LOC400499: variants seen among roughly 807,000 people sequenced by gnomAD.
chr16:11,521,087 C>T, the LOC400499 span, among the ~76,000 whole-genome samples: 2 of 152,180 alleles, frequency 1.3e-5, no homozygotes, highest in Non-Finnish European at 2.9e-5. Flanking sequence ...ATTAATAAAG[C>T]AGCATCTCTG....
the LOC400499 span, among the ~76,000 whole-genome samples, chr16:11,433,138 G>C: frequency 6.6e-6 from 1 of 152,198 alleles, no homozygotes; most frequent in African/African-American, 2.4e-5. Context: ...GGGTTGAGTA[G>C]TTGCAACAGA....
chr16:11,448,222 GC>G, the LOC400499 span: 2 of 974,050 alleles, frequency 2.1e-6, no homozygotes, highest in Non-Finnish European at 2.9e-6. Flanking sequence ...CTGAGCCACA[GC>G]CTCCACCCTG....
chr16:11,388,918 C>G, the LOC400499 span, among the ~76,000 whole-genome samples: 1 of 152,008 alleles, frequency 6.6e-6, no homozygotes, highest in Non-Finnish European at 1.5e-5. Flanking sequence ...GAAACCCCGT[C>G]TCTACTAAAA....
chr16:11,509,819 G>C, the LOC400499 span, among the ~76,000 whole-genome samples: 2,288 of 152,168 alleles, frequency 0.015, 32 homozygotes, highest in Non-Finnish European at 0.023. Context: ...TGACAAGAGT[G>C]AGACTCTGTC....
At chr16:11,426,272 C>T in the LOC400499 span, among the ~76,000 whole-genome samples, 2 of 152,048 alleles carry the variant, frequency 1.3e-5, no homozygotes, top group African/African-American at 2.4e-5. Context: ...CCTGTCTCTA[C>T]TAAGAATATA....
At chr16:11,384,784 G>C in the LOC400499 span, 2 of 1,034,076 alleles carry the variant, frequency 1.9e-6, no homozygotes, top group Non-Finnish European at 2.5e-6. Flanking sequence ...GGCCGGCAGA[G>C]GCTCTGCATG....
the LOC400499 span, among the ~76,000 whole-genome samples, chr16:11,512,461 G>A: frequency 6.6e-6 from 1 of 152,024 alleles, no homozygotes; most frequent in South Asian, 2.1e-4. Context: ...AAATCAGCCA[G>A]GCATGGTGGT....
the LOC400499 span, among the ~76,000 whole-genome samples, chr16:11,394,734 C>T: frequency 4.6e-5 from 7 of 152,156 alleles, no homozygotes; most frequent in Non-Finnish European, 7.4e-5. Flanking sequence ...AAGGCCACCA[C>T]GTGGGACAGA....
chr16:11,455,752 A>AG, the LOC400499 span, among the ~76,000 whole-genome samples: 5 of 151,386 alleles, frequency 3.3e-5, no homozygotes, highest in Non-Finnish European at 5.9e-5. Context: ...AAAAAAAAAA[A>AG]AAAAGAAAAA....
the LOC400499 span, among the ~76,000 whole-genome samples, chr16:11,422,307 C>A: frequency 6.6e-6 from 1 of 152,078 alleles, no homozygotes; most frequent in Non-Finnish European, 1.5e-5. Context: ...TGGGCTGAGG[C>A]AGGAGACACT....
chr16:11,399,972 G>T, the LOC400499 span, among the ~76,000 whole-genome samples: 2 of 151,900 alleles, frequency 1.3e-5, no homozygotes, highest in African/African-American at 4.8e-5. Context: ...GAGGAACTAG[G>T]ATGGAGGGTG....
At chr16:11,518,911 C>T in the LOC400499 span, 1,293 of 399,020 alleles carry the variant, frequency 3.2e-3, 4 homozygotes, top group Middle Eastern at 0.016. Flanking sequence ...TCAGGCTCTC[C>T]GACTCCTTCA....
At chr16:11,468,964 C>A in the LOC400499 span, among the ~76,000 whole-genome samples, 1 of 152,228 alleles carries the variant, frequency 6.6e-6, no homozygotes, top group African/African-American at 2.4e-5. Context: ...TATTAATATC[C>A]ATTTTTAACA....
the LOC400499 span, chr16:11,448,068 C>T: frequency 6.5e-7 from 1 of 1,534,614 alleles, no homozygotes; most frequent in East Asian, 2.4e-5. Context: ...CCTGGGTCTT[C>T]CGGGGCTGCA....
the LOC400499 span, among the ~76,000 whole-genome samples, chr16:11,510,148 C>T: frequency 2.6e-5 from 4 of 151,658 alleles, no homozygotes; most frequent in African/African-American, 9.7e-5. Context: ...CTTGGACCCC[C>T]ACATCTCAGC....
the LOC400499 span, chr16:11,399,497 C>T: frequency 1.5e-5 from 6 of 398,816 alleles, no homozygotes; most frequent in South Asian, 2.5e-4. Context: ...CTGCCGCATG[C>T]GGTGCTGGCC....
At chr16:11,442,672 G>T in the LOC400499 span, among the ~76,000 whole-genome samples, 1 of 152,168 alleles carries the variant, frequency 6.6e-6, no homozygotes, top group African/African-American at 2.4e-5. Flanking sequence ...CTGGAAATCT[G>T]GGTTTTACTC....
the LOC400499 span, among the ~76,000 whole-genome samples, chr16:11,518,602 G>C: frequency 6.6e-6 from 1 of 152,106 alleles, no homozygotes; most frequent in Non-Finnish European, 1.5e-5. Flanking sequence ...TACGGGATGA[G>C]TTCCTCCCAC....
At chr16:11,522,051 G>A in the LOC400499 span, 1 of 399,144 alleles carries the variant, frequency 2.5e-6, no homozygotes, top group Non-Finnish European at 4.4e-6. Context: ...GGCTGGTGCT[G>A]GTGTTGGTGG....
Sources: allele counts gnomAD v4.1 joint callset (sites outside exome capture counted in the v4.1 genomes callset), GRCh38; gene constraint gnomAD v4.1.1; transcripts MANE v1.5.